Variants in PPM1B observed in about 807,000 individuals in gnomAD.
PPM1B encodes the protein protein phosphatase, Mg2+/Mn2+ dependent 1B.
In PPM1B, 22 loss-of-function variants were observed where a neutral mutation model predicts 43.0. The ratio of observed to expected loss-of-function variants is 0.51; its 90% CI spans 0.37 to 0.73. The LOEUF (loss-of-function observed/expected upper bound fraction) is 0.73, where lower values mean the gene tolerates loss of function less well. Among genes scored for constraint, PPM1B ranks in the 30% least tolerant of loss-of-function variants. PPM1B has a pLI of 0.00. For synonymous variants in PPM1B, 217 were observed against 197.9 expected (o/e 1.10, Z -0.81); for missense variants, 632 against 584.2 (o/e 1.08, Z -0.84).
downstream of PPM1B, chr2:44,232,584 C>G: frequency 3.0e-6 from 4 of 1,323,344 alleles, no homozygotes; most frequent in Non-Finnish European, 1.9e-6. Context: ...CTCGTTACAT[C>G]TGTATTGAAC....
Position 44,230,645 on chromosome 2 carries a change from C to T in PPM1B, c.1367C>T (p.Ser456Leu), listed in dbSNP as rs781717387. 1 of 1,614,146 alleles carries T rather than the reference C, an allele frequency of 6.2e-7. No individual in the cohort carries two copies. The highest frequency in any genetic ancestry group is 1.1e-5 in the South Asian group (1 of 91,066). The change falls in exon 6 of 6, where the codon TCA becomes TTA. Residue 456 changes from serine (S) to leucine (L), a missense_variant. This residue lies in a region of PPM1B where 392 missense variants were observed against 302.7 expected (regional missense o/e 1.29). Coordinates refer to ENST00000282412, the MANE Select transcript of PPM1B (RefSeq NM_002706.6). ...PVTMQESHTE[S>L]ESGLAELDSS... ...ACAATGCAGGAAAGCCATACTGAAT[C>T]AGAAAGTGGTCTTGCTGAATTAGAC...
intron 1 of PPM1B, among the ~76,000 whole-genome samples, chr2:44,191,684 T>G (rs1271993960): frequency 6.6e-6 from 1 of 152,176 alleles, no homozygotes; most frequent in African/African-American, 2.4e-5. Flanking sequence ...TGCTTGTATA[T>G]ATGTGAAAAT....
At chr2:44,221,540 G>C (rs566832793) in intron 5 of PPM1B, among the ~76,000 whole-genome samples, 17 of 152,230 alleles carry the variant, frequency 1.1e-4, no homozygotes, top group African/African-American at 3.9e-4. Flanking sequence ...AAGTATGCTA[G>C]AATTACAGAA....
chr2:44,238,077 A>G (rs1670667076), downstream of PPM1B, among the ~76,000 whole-genome samples: 1 of 151,670 alleles, frequency 6.6e-6, no homozygotes, highest in African/African-American at 2.4e-5. Context: ...ATTTTTTTGT[A>G]TTTTTAGTAG....
At chr2:44,209,974 A>G (rs1669382437) in intron 3 of PPM1B, among the ~76,000 whole-genome samples, 1 of 152,014 alleles carries the variant, frequency 6.6e-6, no homozygotes, top group Non-Finnish European at 1.5e-5. Flanking sequence ...TTGCTGGTTT[A>G]TTTTTTCTTT....
Position 44,201,600 on chromosome 2 carries a change from C to A in PPM1B, c.401C>A (p.Ala134Glu). 6.2e-7 allele frequency: 1 copy of A among 1,614,120 alleles called. No individual in the cohort carries two copies. Among genetic ancestry groups the A allele is most frequent in the Non-Finnish European group, 8.5e-7 (1 of 1,180,022 alleles). Residue 134 changes from alanine (A) to glutamate (E), a missense_variant, in exon 2 of 6, where the codon GCA becomes GAA. Ala to Glu is a moderately radical substitution (Grantham distance 107). This residue lies in a region of PPM1B where 200 missense variants were observed against 200.7 expected (regional missense o/e 1.00). Transcript: ENST00000282412. The surrounding 1 kb of genome is among the most constrained non-coding windows in gnomAD (Gnocchi z 5.4). Reference sequence around the variant, plus strand: ...GGGATGGACAGGAGTGGTTCAACTGCAGTGGGAGTTATGATTTCACCTAAG... The same window carrying A: ...GGGATGGACAGGAGTGGTTCAACTGAAGTGGGAGTTATGATTTCACCTAAG... ...RNGMDRSGST[A>E]VGVMISPKHI...
intron 5 of PPM1B, among the ~76,000 whole-genome samples, chr2:44,243,885 T>C (rs917846423): frequency 1.3e-5 from 2 of 152,178 alleles, no homozygotes; most frequent in African/African-American, 4.8e-5. Flanking sequence ...CTCATTAATG[T>C]GTTGATTGAA....
intron 1 of PPM1B, among the ~76,000 whole-genome samples, chr2:44,184,016 G>A (rs1351274187): frequency 6.6e-6 from 1 of 152,224 alleles, no homozygotes; most frequent in Non-Finnish European, 1.5e-5. Context: ...GGGATTACAG[G>A]CGTGAGCCAC....
At chr2:44,196,097 T>A (rs1668649863) in intron 1 of PPM1B, among the ~76,000 whole-genome samples, 1 of 152,244 alleles carries the variant, frequency 6.6e-6, no homozygotes, top group Non-Finnish European at 1.5e-5. Context: ...CCAATACTGA[T>A]ACATTGTTAA....
At chr2:44,216,267 T>C (rs1269278529) in intron 3 of PPM1B, among the ~76,000 whole-genome samples, 1 of 152,164 alleles carries the variant, frequency 6.6e-6, no homozygotes, top group Non-Finnish European at 1.5e-5. Flanking sequence ...GGTGACATTT[T>C]TGGTGTCATA....
At chr2:44,190,738 T>C (rs866443701) in intron 1 of PPM1B, among the ~76,000 whole-genome samples, 3 of 152,176 alleles carry the variant, frequency 2.0e-5, no homozygotes, top group African/African-American at 7.2e-5. Context: ...TGTGTTTACA[T>C]TGCATTTTCA....
At chr2:44,190,783 T>G in intron 1 of PPM1B, among the ~76,000 whole-genome samples, 1 of 152,206 alleles carries the variant, frequency 6.6e-6, no homozygotes, top group South Asian at 2.1e-4. Context: ...GTACCCATAT[T>G]TTTGTTGACT....
intron 3 of PPM1B, among the ~76,000 whole-genome samples, chr2:44,210,000 C>A (rs928192153): frequency 6.6e-6 from 1 of 152,060 alleles, no homozygotes; most frequent in Non-Finnish European, 1.5e-5. Flanking sequence ...TCTTTCCCTG[C>A]GTACATTCCT....
chr2:44,219,030 G>A, intron 5 of PPM1B: 1 of 320,974 alleles, frequency 3.1e-6, no homozygotes. Context: ...GTACATGAGT[G>A]TTGAGCTGAG....
intron 3 of PPM1B, among the ~76,000 whole-genome samples, chr2:44,209,693 C>G (rs976122943): frequency 2.7e-5 from 4 of 150,734 alleles, no homozygotes; most frequent in Admixed American, 6.6e-5. Context: ...AGGAGCATTG[C>G]TTGAATCTGG....
chr2:44,230,244 A>G, intron 5 of PPM1B, 169 bp from the exon 6 acceptor site: 1 of 1,424,498 alleles, frequency 7.0e-7, no homozygotes, highest in Middle Eastern at 2.5e-4. Flanking sequence ...TATTATTGGA[A>G]GTTTTTATTA....
At chr2:44,185,419 AGTGTGATAGAT>A (rs1338445804) in intron 1 of PPM1B, among the ~76,000 whole-genome samples, 2 of 152,196 alleles carry the variant, frequency 1.3e-5, no homozygotes, top group Non-Finnish European at 2.9e-5. Context: ...GTATGTATTC[AGTGTGATAGAT>A]TTTTTTTCTC....
At chr2:44,206,889 T>C (rs1669218195) in intron 2 of PPM1B, among the ~76,000 whole-genome samples, 1 of 152,208 alleles carries the variant, frequency 6.6e-6, no homozygotes, top group Admixed American at 6.5e-5. Flanking sequence ...TGGTGTACTT[T>C]AAAATTATTT....
intron 1 of PPM1B, among the ~76,000 whole-genome samples, chr2:44,175,783 AG>A (rs1338499671): frequency 1.4e-5 from 2 of 143,926 alleles, no homozygotes; most frequent in African/African-American, 5.2e-5. Context: ...CATTGGTTTG[AG>A]ATTTTTTTTT....
Sources: allele counts gnomAD v4.1 joint callset (sites outside exome capture counted in the v4.1 genomes callset), GRCh38; gene constraint gnomAD v4.1.1; regional missense constraint gnomAD v4.1.1; non-coding constraint Gnocchi (gnomAD v3.1); transcripts MANE v1.5; gene names NCBI Gene and HGNC (gene_info 2026-07-23, HGNC 2026-07-21).